Variants in BMP3 observed in about 807,000 individuals in gnomAD.
The protein encoded by BMP3 is bone morphogenetic protein 3, also known as bone morphogenetic protein 3 (osteogenic).
Under a neutral mutation model 38.1 loss-of-function variants are expected in BMP3, and 23 were observed. The ratio of observed to expected loss-of-function variants is 0.60; its 90% confidence interval spans 0.43 to 0.86. The LOEUF (loss-of-function observed/expected upper bound fraction) is 0.86. Ranked by LOEUF, BMP3 falls within the 40% of genes least tolerant of loss-of-function variation. The probability of loss-of-function intolerance (pLI) is 0.00; values close to 1 mark genes in which losing one functional copy is unlikely to be tolerated. For missense variants in BMP3, 628 were observed against 579.6 expected (o/e 1.08, Z -0.86); for synonymous variants, 258 against 225.7 (o/e 1.14, Z -1.28).
chr4:81,048,773 T>A (rs951313237), intron 2 of BMP3, among the ~76,000 whole-genome samples: 6 of 152,172 alleles, frequency 3.9e-5, no homozygotes, highest in Non-Finnish European at 8.8e-5. Context: ...ACACGCTTGG[T>A]CATAGCAGGG....
intron 2 of BMP3, among the ~76,000 whole-genome samples, chr4:81,048,711 A>C (rs1740326986): frequency 1.3e-5 from 2 of 152,248 alleles, no homozygotes; most frequent in Non-Finnish European, 2.9e-5. Flanking sequence ...TAAAAATAGC[A>C]GAAATAAATT....
rs1740471855 is a variant in BMP3 at position 81,053,818 on chromosome 4, CT to C, written c.*283del. ...ACAACTTATCAAACTGTTTTTAGAA[CT>C]GTTAGAGAACACACTGGTTTATTTT... On this transcript the variant is annotated 3_prime_UTR_variant, in exon 3 of 3. Transcript: ENST00000282701. 2 of 213,088 alleles carry C rather than the reference CT, an allele frequency of 9.4e-6. No individual in the cohort carries two copies. The highest frequency in any genetic ancestry group is 9.2e-6 in the Non-Finnish European group (1 of 108,348). 13.2% of individuals were successfully genotyped at this position (213,088 alleles called of 1,614,324 possible). A position where few individuals can be genotyped will look rare whatever the true frequency, so the allele number is the denominator to read the frequency against.
chr4:81,049,783 A>G (rs898241506), intron 2 of BMP3, among the ~76,000 whole-genome samples: 15 of 152,178 alleles, frequency 9.9e-5, no homozygotes, highest in Admixed American at 4.6e-4. Context: ...GAACTTTGTA[A>G]ATAAAAATAT....
chr4:81,048,336 T>C (rs1240947949), intron 2 of BMP3, among the ~76,000 whole-genome samples: 1 of 152,242 alleles, frequency 6.6e-6, no homozygotes, highest in Non-Finnish European at 1.5e-5. Context: ...AATATCTGTC[T>C]TTAAACCCAG....
chr4:81,030,982 G>A lies in BMP3; in HGVS notation c.-303G>A, dbSNP rs575956363. The A allele has an allele frequency of 1.4e-4, 54 of 390,988 alleles. No homozygotes were observed. The highest frequency in any genetic ancestry group is 1.2e-3 in the East Asian group (23 of 19,802). 24.2% of individuals were successfully genotyped at this position (390,988 alleles called of 1,614,324 possible). A position where few individuals can be genotyped will look rare whatever the true frequency, so the allele number is the denominator to read the frequency against. On this transcript the variant is annotated 5_prime_UTR_variant, in exon 1 of 3. Transcript: ENST00000282701. ...GTACAGACAGATCTTGAAAACACCC[G>A]GGCCACACACGCCGCGACCTACAGC... is the stretch of plus-strand genomic sequence containing the variant.
intron 1 of BMP3, among the ~76,000 whole-genome samples, chr4:81,033,509 G>A (rs17005026): frequency 0.03 from 4,603 of 152,232 alleles, 230 homozygotes; most frequent in African/African-American, 0.1. Context: ...TGTGTGCCCT[G>A]ATAAGAAAAG....
chr4:81,039,225 G>A (rs1299648140), intron 1 of BMP3, among the ~76,000 whole-genome samples: 1 of 152,196 alleles, frequency 6.6e-6, no homozygotes, highest in East Asian at 1.9e-4. Context: ...ATTTCTAGCA[G>A]CTGTATTTTG....
At chr4:81,045,213 T>A (rs1740196748) in intron 1 of BMP3, among the ~76,000 whole-genome samples, 1 of 152,324 alleles carries the variant, frequency 6.6e-6, no homozygotes, top group South Asian at 2.1e-4. Flanking sequence ...TGGCTAATGA[T>A]GTTGAGCATC....
Position 81,045,679 on chromosome 4 carries a change from A to G in BMP3, c.317-59A>G, listed in dbSNP as rs138620022. On this transcript the variant is annotated intron_variant, in intron 1 of 2. Transcript: ENST00000282701. Reference sequence around the variant, plus strand: ...TCTGATTCATTTTGAGTTAATTGTCATATAGTGAAGTAATGGTCTTGTTTT... The same window carrying G: ...TCTGATTCATTTTGAGTTAATTGTCGTATAGTGAAGTAATGGTCTTGTTTT... 6.9e-4 allele frequency: 940 copies of G among 1,360,302 alleles called. 17 individuals are homozygous for G. The East Asian group carries it at 0.02, about 30-fold the overall frequency. 84.3% of individuals were successfully genotyped at this position (1,360,302 alleles called of 1,614,324 possible).
Position 81,056,154 on chromosome 4 carries a change from T to A in BMP3, c.*2618T>A, listed in dbSNP as rs1740552403. 6.6e-6 allele frequency: 1 copy of A among 152,138 alleles called. No homozygotes were observed. Among genetic ancestry groups the A allele is most frequent in the Non-Finnish European group, 1.5e-5 (1 of 68,026 alleles). The allele number at this position is 152,138 out of a possible 1,614,324, so 9.4% of individuals were successfully genotyped here. The stretch of plus-strand genomic sequence containing the variant: ...TTCTGTATAATTCCTACACAGAAGC[T>A]TTAGAAATCTCCTGATATTAAATTA... On this transcript the variant is annotated 3_prime_UTR_variant, in exon 3 of 3. Transcript: ENST00000282701.
chr4:81,034,261 T>C (rs1468709096), intron 1 of BMP3, among the ~76,000 whole-genome samples: 1 of 152,028 alleles, frequency 6.6e-6, no homozygotes, highest in Non-Finnish European at 1.5e-5. Flanking sequence ...TTTTGTCATG[T>C]GGAAGGGTTT....
chr4:81,032,383 A>T (rs1739805484), intron 1 of BMP3, among the ~76,000 whole-genome samples: 1 of 152,066 alleles, frequency 6.6e-6, no homozygotes, highest in African/African-American at 2.4e-5. Flanking sequence ...TTCAGCACAG[A>T]TCACTTCGGA....
At chr4:81,041,993 G>A (rs1740091888) in intron 1 of BMP3, among the ~76,000 whole-genome samples, 1 of 151,414 alleles carries the variant, frequency 6.6e-6, no homozygotes, top group Non-Finnish European at 1.5e-5. Flanking sequence ...GATTATTCTA[G>A]ACCACAACCA....
Position 81,053,917 on chromosome 4 carries a change from A to T in BMP3, c.*381A>T, listed in dbSNP as rs534979298. On this transcript the variant is annotated 3_prime_UTR_variant, in exon 3 of 3. Transcript: ENST00000282701. ...TTTATCTCATTTAATGACTAATGGG[A>T]AATAGAGAACAATTTCGCGTTTTGA... 1 of 154,616 alleles carries T rather than the reference A, an allele frequency of 6.5e-6. No homozygotes were observed. The highest frequency in any genetic ancestry group is 6.5e-5 in the Admixed American group (1 of 15,314). 9.6% of individuals were successfully genotyped at this position (154,616 alleles called of 1,614,324 possible).
intron 2 of BMP3, among the ~76,000 whole-genome samples, chr4:81,053,021 A>G (rs1431906437): frequency 1.3e-5 from 2 of 152,160 alleles, no homozygotes; most frequent in African/African-American, 4.8e-5. Flanking sequence ...ACTTGGTTTA[A>G]ATCCTCTACC....
chr4:81,047,852 A>C (rs567978940), intron 2 of BMP3, among the ~76,000 whole-genome samples: 7 of 150,572 alleles, frequency 4.6e-5, no homozygotes, highest in African/African-American at 1.7e-4. Context: ...AGGCAGGAGG[A>C]TCACTTGAGT....
chr4:81,053,374 C>A lies in BMP3; in HGVS notation c.1257C>A (p.Ile419=). 1 of 1,593,938 alleles carries A rather than the reference C, an allele frequency of 6.3e-7. No homozygotes were observed. The highest frequency in any genetic ancestry group is 8.5e-7 in the Non-Finnish European group (1 of 1,173,092). The change falls in exon 3 of 3, where the codon ATC becomes ATA. Residue 419 remains isoleucine (I), a synonymous_variant. Coordinates refer to ENST00000282701, the MANE Select transcript of BMP3 (RefSeq NM_001201.5). ...KSLKPSNHAT[I]QSIVRAVGVV... The stretch of plus-strand genomic sequence containing the variant: ...TGAAGCCATCAAATCATGCTACCAT[C>A]CAGAGTATAGTGAGAGCTGTGGGGG...
At chr4:81,032,204 A>AAAAAAAC (rs1553913113) in intron 1 of BMP3, among the ~76,000 whole-genome samples, 4 of 115,932 alleles carry the variant, frequency 3.5e-5, no homozygotes, top group African/African-American at 1.5e-4. Context: ...CAAAAAAAAA[A>AAAAAAAC]AAAAAAAAAA....
chr4:81,048,741 G>T (rs1445222065), intron 2 of BMP3, among the ~76,000 whole-genome samples: 1 of 152,230 alleles, frequency 6.6e-6, no homozygotes, highest in Non-Finnish European at 1.5e-5. Flanking sequence ...AAGTATGTTA[G>T]TGCAGAAGAA....
Sources: allele counts gnomAD v4.1 joint callset (sites outside exome capture counted in the v4.1 genomes callset), GRCh38; gene constraint gnomAD v4.1.1; transcripts MANE v1.5; gene names NCBI Gene and HGNC (gene_info 2026-07-23, HGNC 2026-07-21).